KCNQ1: variants seen among roughly 807,000 people sequenced by gnomAD.
KCNQ1 encodes the protein potassium voltage-gated channel subfamily Q member 1, also known as potassium voltage-gated channel subfamily KQT member 1.
In KCNQ1, 49 loss-of-function variants were observed where a neutral mutation model predicts 72.4. That is an observed-to-expected ratio of 0.68 (90% CI 0.54 to 0.86). The LOEUF (loss-of-function observed/expected upper bound fraction) is 0.86. Ranked by LOEUF, KCNQ1 falls within the 40% of genes least tolerant of loss-of-function variation. The probability of loss-of-function intolerance (pLI) is 0.00; values close to 1 mark genes in which losing one functional copy is unlikely to be tolerated. For synonymous variants in KCNQ1, 450 were observed against 412.6 expected (o/e 1.09, Z -1.10); for missense variants, 790 against 945.1 (o/e 0.84, Z 2.15).
rs1847600289 is a variant in KCNQ1, at chr11:2,815,747, G to A, written c.1795-32020G>A. Among the ~76,000 whole-genome samples, 1 of 152,120 alleles carries A rather than the reference G, an allele frequency of 6.6e-6. No homozygotes were observed. The highest frequency in any genetic ancestry group is 1.5e-5 in the Non-Finnish European group (1 of 67,998). ...GGAGAGGGTGGGAGCAGACACGGGA[G>A]TAGGATGGGGGCCCTGGAGGTACTG... On this transcript the variant is annotated intron_variant, in intron 15 of 15. Coordinates refer to ENST00000155840, the MANE Select transcript of KCNQ1 (RefSeq NM_000218.3). The surrounding 1 kb of genome is among the most constrained non-coding windows in gnomAD (Gnocchi z 5.4).
chr11:2,799,030 C>T (rs1590096504), intron 15 of KCNQ1, among the ~76,000 whole-genome samples: 1 of 152,320 alleles, frequency 6.6e-6, no homozygotes, highest in East Asian at 1.9e-4. Flanking sequence ...ACTTACCTGG[C>T]AGGTGAAATC....
At chr11:2,799,201 G>A (rs987007785) in intron 15 of KCNQ1, among the ~76,000 whole-genome samples, 2 of 152,240 alleles carry the variant, frequency 1.3e-5, no homozygotes, top group African/African-American at 4.8e-5. Flanking sequence ...GAGCAGCGCA[G>A]GAGAGAAACT....
intron 11 of KCNQ1, among the ~76,000 whole-genome samples, chr11:2,700,482 G>A (rs909469324): frequency 5.3e-5 from 8 of 152,200 alleles, no homozygotes; most frequent in Admixed American, 5.2e-4. Context: ...CAGCCCCTCC[G>A]CCGGCGCCGC....
Position 2,652,246 on chromosome 11 carries a change from C to A in KCNQ1, c.1394-9715C>A. 2.5e-6 allele frequency: 1 copy of A among 398,640 alleles called. No homozygotes were observed. The highest frequency in any genetic ancestry group is 4.4e-6 in the Non-Finnish European group (1 of 226,078). 24.7% of individuals were successfully genotyped at this position (398,640 alleles called of 1,614,324 possible). ...TGAGAATGAGGCCTGCAACTCATTT[C>A]CCCATTAAACATTCTGAGAACATCT... On this transcript the variant is annotated intron_variant, in intron 10 of 15. Coordinates refer to ENST00000155840, the MANE Select transcript of KCNQ1 (RefSeq NM_000218.3). This position sits in a 1 kb window ranked among gnomAD's most constrained non-coding sequence, Gnocchi z 5.9.
intron 15 of KCNQ1, among the ~76,000 whole-genome samples, chr11:2,796,717 G>A (rs553143664): frequency 2.0e-5 from 3 of 152,288 alleles, no homozygotes; most frequent in East Asian, 3.9e-4. Context: ...GGAAGACCTC[G>A]TGGGTTTCCC....
chr11:2,842,364 G>A (rs552940645), intron 15 of KCNQ1, among the ~76,000 whole-genome samples: 18 of 152,312 alleles, frequency 1.2e-4, no homozygotes, highest in African/African-American at 4.1e-4. Context: ...AGGAGAGGAC[G>A]CCTGGTACCT....
intron 11 of KCNQ1, among the ~76,000 whole-genome samples, chr11:2,760,754 T>TA (rs1041910193): frequency 6.6e-6 from 1 of 152,228 alleles, no homozygotes; most frequent in Non-Finnish European, 1.5e-5. Context: ...GCATCAGTGC[T>TA]ACTGAAATGG....
chr11:2,661,852 G>C lies in KCNQ1; in HGVS notation c.1394-109G>C. On this transcript the variant is annotated intron_variant, in intron 10 of 15. Transcript: ENST00000155840. This position sits in a 1 kb window ranked among gnomAD's most constrained non-coding sequence, Gnocchi z 5.9. ...CTGATTGTCAGGGCTGGAGCTTCCA[G>C]GCACAAGCTCCACTCCTCACCTGGC... The C allele has an allele frequency of 1.4e-6, 2 of 1,402,098 alleles. No homozygotes were observed. The highest frequency in any genetic ancestry group is 2.0e-6 in the Non-Finnish European group (2 of 992,206). The allele number at this position is 1,402,098 out of a possible 1,614,324, so 86.9% of individuals were successfully genotyped here. A position where few individuals can be genotyped will look rare whatever the true frequency, so the allele number is the denominator to read the frequency against.
chr11:2,661,952 T>C lies in KCNQ1; in HGVS notation c.1394-9T>C. 6.2e-7 allele frequency: 1 copy of C among 1,614,134 alleles called. No homozygotes were observed. Among genetic ancestry groups the C allele is most frequent in the South Asian group, 1.1e-5 (1 of 91,080 alleles). ...GGCCTAACGTGCTGTCCCCACACTT[T>C]CTCCTCAGTAAGGAAGAGCCCAACA... is the stretch of plus-strand genomic sequence containing the variant. On this transcript the variant is annotated splice_polypyrimidine_tract_variant and intron_variant, in intron 10 of 15. Coordinates refer to ENST00000155840, the MANE Select transcript of KCNQ1 (RefSeq NM_000218.3). This position sits in a 1 kb window ranked among gnomAD's most constrained non-coding sequence, Gnocchi z 5.9.
rs1452609576 is a variant in KCNQ1, at chr11:2,652,593, C to T, written c.1394-9368C>T. On this transcript the variant is annotated intron_variant, in intron 10 of 15. Transcript: ENST00000155840. This position sits in a 1 kb window ranked among gnomAD's most constrained non-coding sequence, Gnocchi z 5.9. The stretch of plus-strand genomic sequence containing the variant: ...AGTTTCCTAGGGCTGCTCTTGCTGC[C>T]TGGAACCTTCCCCTGAAAATGTGTC... 1.0e-5 allele frequency: 4 copies of T among 398,504 alleles called. No homozygotes were observed. Among genetic ancestry groups the T allele is most frequent in the Admixed American group, 8.8e-5 (2 of 22,718 alleles). 24.7% of individuals were successfully genotyped at this position (398,504 alleles called of 1,614,324 possible). A position where few individuals can be genotyped will look rare whatever the true frequency, so the allele number is the denominator to read the frequency against.
chr11:2,734,677 G>A lies in KCNQ1; in HGVS notation c.1515-34167G>A, dbSNP rs1428025223. ...GGTAGCTTCCTGAAGAGATGAGTCA[G>A]GTCCCAGGCACATTCAGTGCCAGCC... On this transcript the variant is annotated intron_variant, in intron 11 of 15. Transcript: ENST00000155840. The surrounding 1 kb of genome is among the most constrained non-coding windows in gnomAD (Gnocchi z 7.0). 6.6e-6 allele frequency among the ~76,000 whole-genome samples: 1 copy of A among 152,088 alleles called. No homozygotes were observed. The highest frequency in any genetic ancestry group is 2.1e-4 in the South Asian group (1 of 4,806).
chr11:2,718,655 C>G (rs1007213442), intron 11 of KCNQ1, among the ~76,000 whole-genome samples: 1 of 152,208 alleles, frequency 6.6e-6, no homozygotes, highest in Non-Finnish European at 1.5e-5. Flanking sequence ...CCCCAGCTGG[C>G]TCCGTACTAG....
At chr11:2,522,545 G>A (rs548569880) in intron 1 of KCNQ1, among the ~76,000 whole-genome samples, 3 of 152,224 alleles carry the variant, frequency 2.0e-5, no homozygotes, top group Admixed American at 6.5e-5. Flanking sequence ...AGCTCCGCCC[G>A]AGACAAGAAT....
rs528342834 is a variant in KCNQ1 at position 2,627,425 on chromosome 11, CTA to C, written c.1394-34534_1394-34533del. On this transcript the variant is annotated intron_variant, in intron 10 of 15. Coordinates refer to ENST00000155840, the MANE Select transcript of KCNQ1 (RefSeq NM_000218.3). The surrounding 1 kb of genome is among the most constrained non-coding windows in gnomAD (Gnocchi z 4.9). ...TCAAGAACTTATTCATCTGATAACT[CTA>C]TGTTTGTACCCTTCAACATTTCCTA... The C allele has an allele frequency of 8.8e-5, 35 of 398,516 alleles. No homozygotes were observed. The highest frequency in any genetic ancestry group is 7.0e-4 in the African/African-American group (34 of 48,742). The allele number at this position is 398,516 out of a possible 1,614,324, so 24.7% of individuals were successfully genotyped here.
At position 2,720,861 on chromosome 11, in the gene KCNQ1, G is replaced by C. The variant is rs1851190270; in HGVS notation, c.1515-47983G>C. On this transcript the variant is annotated intron_variant, in intron 11 of 15. Transcript: ENST00000155840. The surrounding 1 kb of genome is among the most constrained non-coding windows in gnomAD (Gnocchi z 5.1). ...TTGAGTTGGGGAACGGCCTTGCTGG[G>C]AGTTGGGGCCTGGCCTGGACCTCGA... Among the ~76,000 whole-genome samples the C allele has an allele frequency of 6.6e-6, 1 of 152,108 alleles. No homozygotes were observed.
intron 1 of KCNQ1, among the ~76,000 whole-genome samples, chr11:2,523,615 C>T (rs970991473): frequency 1.3e-5 from 2 of 152,230 alleles, no homozygotes; most frequent in Non-Finnish European, 2.9e-5. Flanking sequence ...AAGGCAGCGT[C>T]GCCTGTGGTC....
intron 10 of KCNQ1, chr11:2,631,771 A>G (rs534397053): frequency 1.8e-4 from 73 of 398,698 alleles, no homozygotes; most frequent in African/African-American, 1.4e-3. Flanking sequence ...AGCTGAGGTC[A>G]GCAGTGGCAA....
At chr11:2,583,201 C>A (rs900419185) in intron 6 of KCNQ1, among the ~76,000 whole-genome samples, 1 of 152,144 alleles carries the variant, frequency 6.6e-6, no homozygotes, top group African/African-American at 2.4e-5. Flanking sequence ...GGGTGCTGGG[C>A]TCCTTACATG....
intron 15 of KCNQ1, among the ~76,000 whole-genome samples, chr11:2,834,161 G>C (rs1848015064): frequency 6.6e-6 from 1 of 152,212 alleles, no homozygotes; most frequent in African/African-American, 2.4e-5. Context: ...CATGGTGGGA[G>C]TGGTGTGGCA....
Sources: gnomAD v4.1 joint callset for allele counts (sites outside exome capture counted in the v4.1 genomes callset) on GRCh38, gnomAD v4.1.1 for gene constraint, Gnocchi (gnomAD v3.1) non-coding constraint, MANE v1.5 for transcripts, NCBI Gene and HGNC (gene_info 2026-07-23, HGNC 2026-07-21) for gene names.